The following SHCBP1L variants were observed in gnomAD, a reference collection of about 807,000 sequenced individuals.
The protein encoded by SHCBP1L is testicular spindle-associated protein SHCBP1L.
Under a neutral mutation model 62.5 loss-of-function variants are expected in SHCBP1L, and 67 were observed. The observed-to-expected ratio is 1.07, with a 90% CI of 0.88 to 1.31. SHCBP1L has a LOEUF of 1.31. Ranked by LOEUF, SHCBP1L falls within the 40% of genes most tolerant of loss-of-function variation. The probability of loss-of-function intolerance (pLI) is 0.00; values close to 1 mark genes in which losing one functional copy is unlikely to be tolerated. For missense variants in SHCBP1L, 823 were observed against 809.8 expected, an observed-to-expected ratio of 1.02 and a Z score of -0.20; for synonymous variants, 284 against 289.4, an observed-to-expected ratio of 0.98 and a Z score of 0.19.
rs115243174 is a variant in SHCBP1L, at chr1:182,925,571, G to C, written c.1182+4076C>G. ...AAATAAATAATAAAAAAAGATAAAA[G>C]TTTTGGTGAGGACTGGAGAAATTGG... On this transcript the variant is annotated intron_variant, in intron 6 of 9. Coordinates refer to ENST00000367547, the MANE Select transcript of SHCBP1L (RefSeq NM_030933.4). Among the ~76,000 whole-genome samples the C allele has an allele frequency of 2.6e-3, 401 of 152,238 alleles. 2 individuals are homozygous for C. Among genetic ancestry groups the C allele is most frequent in the Non-Finnish European group, 4.8e-3 (325 of 68,018 alleles).
intron 6 of SHCBP1L, among the ~76,000 whole-genome samples, chr1:182,924,935 GAAGAAAGA>G (rs71127327): frequency 0.011 from 680 of 62,338 alleles, 7 homozygotes; most frequent in African/African-American, 0.047. Flanking sequence ...AGGAAGGAAG[GAAGAAAGA>G]AAGAAAGAAA....
intron 6 of SHCBP1L, among the ~76,000 whole-genome samples, chr1:182,924,966 GAAAGAAAGA>G (rs1372608001): frequency 5.2e-5 from 6 of 114,372 alleles, no homozygotes; most frequent in African/African-American, 2.2e-4. Context: ...AAGAAAGAAA[GAAAGAAAGA>G]AAAAAAAAGG....
chr1:182,924,775 A>AGAAAG (rs1650649597), intron 6 of SHCBP1L, among the ~76,000 whole-genome samples: 2 of 110,886 alleles, frequency 1.8e-5, no homozygotes, highest in South Asian at 3.3e-4. Context: ...AAAGAAAGAA[A>AGAAAG]GAAAGAAAGA....
At chr1:182,901,646 A>C (rs953902005) in intron 9 of SHCBP1L, among the ~76,000 whole-genome samples, 2 of 152,178 alleles carry the variant, frequency 1.3e-5, no homozygotes, top group African/African-American at 4.8e-5. Context: ...TCAAATTTTA[A>C]CGTATGTATA....
chr1:182,900,655 G>A (rs767621664), intron 9 of SHCBP1L, among the ~76,000 whole-genome samples: 3 of 152,094 alleles, frequency 2.0e-5, no homozygotes, highest in Non-Finnish European at 2.9e-5. Flanking sequence ...CTGGTCTCGA[G>A]CTCCTGACCT....
In SHCBP1L at chr1:182,952,860, G is replaced by GCTC. The variant is rs566172305; in HGVS notation, c.271_273dup (p.Glu91dup). The GCTC allele has an allele frequency of 9.9e-4, 1,594 of 1,605,974 alleles. 16 individuals carry two copies. The highest frequency in any genetic ancestry group is 8.1e-3 in the South Asian group (735 of 90,350). On this transcript the variant is annotated inframe_insertion, in exon 1 of 10. Coordinates refer to ENST00000367547, the MANE Select transcript of SHCBP1L (RefSeq NM_030933.4). ...TCATCCTCAGGCACTGGCAGCAGGG[G>GCTC]CTCCTCCGCCGCCGCCGCCGCCGCC...
chr1:182,913,138 A>T (rs1342330044), intron 6 of SHCBP1L, among the ~76,000 whole-genome samples: 1 of 152,018 alleles, frequency 6.6e-6, no homozygotes, highest in Non-Finnish European at 1.5e-5. Flanking sequence ...CCATCTCAAA[A>T]AATTAATTAA....
At chr1:182,905,456 A>T in intron 7 of SHCBP1L, 40 bp downstream of exon 7, 1 of 1,595,630 alleles carries the variant, frequency 6.3e-7, no homozygotes, top group Non-Finnish European at 8.6e-7. Flanking sequence ...TGTCCAGTAT[A>T]CATTGCTGTA....
intron 6 of SHCBP1L, among the ~76,000 whole-genome samples, chr1:182,912,309 T>A (rs1341187655): frequency 6.6e-6 from 1 of 152,270 alleles, no homozygotes. Context: ...AAAACATAAA[T>A]AAATAAACTG....
chr1:182,942,615 T>C (rs1651409184), intron 2 of SHCBP1L, among the ~76,000 whole-genome samples: 1 of 152,250 alleles, frequency 6.6e-6, no homozygotes, highest in Non-Finnish European at 1.5e-5. Flanking sequence ...GATACTTCCC[T>C]GCACTTGTCT....
At chr1:182,916,331 T>G (rs979745370) in intron 6 of SHCBP1L, among the ~76,000 whole-genome samples, 6 of 151,754 alleles carry the variant, frequency 4.0e-5, no homozygotes, top group African/African-American at 1.5e-4. Context: ...AAAAGCAAAT[T>G]AAACCCAAAG....
intron 2 of SHCBP1L, among the ~76,000 whole-genome samples, chr1:182,946,855 T>C (rs1651583411): frequency 2.0e-5 from 3 of 152,256 alleles, no homozygotes; most frequent in Admixed American, 6.5e-5. Flanking sequence ...CCTGTCTTCA[T>C]TCTGCTTTTT....
chr1:182,951,887 G>A, intron 1 of SHCBP1L: 3 of 356,520 alleles, frequency 8.4e-6, no homozygotes, highest in Non-Finnish European at 1.7e-5. Flanking sequence ...AGGCACGGTG[G>A]CTCATGCCTG....
Position 182,903,094 on chromosome 1 carries a change from T to C in SHCBP1L, c.1655A>G (p.Asn552Ser), listed in dbSNP as rs370479425. 6.2e-6 allele frequency: 10 copies of C among 1,601,792 alleles called. No individual in the cohort carries two copies. The South Asian group carries it at 9.0e-5, about 14-fold the overall frequency. Residue 552 changes from asparagine to serine, a missense_variant, in exon 9 of 10, where the codon AAT (asparagine) becomes AGT (serine). Physicochemically the swap from Asn to Ser is conservative, Grantham distance 46. Transcript: ENST00000367547. ...ILERNEIHHCNNLRTSNSSKS... is the reference protein window; with the variant it reads ...ILERNEIHHCSNLRTSNSSKS... ...TGAACTGTTACTGGTTCTGAGGTTA[T>C]TACAGTGATGAATTTCATTTCTTTC...
intron 9 of SHCBP1L, 126 bp from the exon 10 acceptor site, chr1:182,900,360 T>C (rs1649790072): frequency 3.9e-6 from 3 of 769,564 alleles, no homozygotes; most frequent in Non-Finnish European, 5.8e-6. Flanking sequence ...ACCAAGACTC[T>C]CAATTTTGAA....
intron 1 of SHCBP1L, chr1:182,951,890 C>G (rs1651754863): frequency 2.8e-6 from 1 of 360,472 alleles, no homozygotes; most frequent in East Asian, 1.2e-4. Context: ...CACGGTGGCT[C>G]ATGCCTGTAA....
intron 6 of SHCBP1L, among the ~76,000 whole-genome samples, chr1:182,924,761 A>AAAGGAAGG (rs1650644184): frequency 9.1e-6 from 1 of 110,494 alleles, no homozygotes; most frequent in Non-Finnish European, 1.6e-5. Flanking sequence ...AGAAAGAAAG[A>AAAGGAAGG]AAGAAAGAAA....
chr1:182,909,024 C>T (rs1205958296), intron 6 of SHCBP1L, among the ~76,000 whole-genome samples: 1 of 152,180 alleles, frequency 6.6e-6, no homozygotes, highest in East Asian at 1.9e-4. Flanking sequence ...AAATCAGCAA[C>T]CTACAAACTC....
intron 5 of SHCBP1L, among the ~76,000 whole-genome samples, chr1:182,930,561 A>G (rs1188651241): frequency 2.5e-3 from 122 of 48,840 alleles, no homozygotes; most frequent in East Asian, 0.025. Context: ...GTATATATAT[A>G]TATATATATA....
Sources: allele counts gnomAD v4.1 joint callset (sites outside exome capture counted in the v4.1 genomes callset), GRCh38; gene constraint gnomAD v4.1.1; transcripts MANE v1.5; gene names NCBI Gene and HGNC (gene_info 2026-07-23, HGNC 2026-07-21).